MYO16: variants seen among roughly 807,000 people sequenced by gnomAD.
MYO16 encodes myosin XVI.
MYO16 carries 94 observed loss-of-function variants against 205.3 expected under a neutral mutation model. The ratio of observed to expected loss-of-function variants is 0.46; its 90% CI spans 0.39 to 0.54. MYO16 has a LOEUF of 0.54. Ranked by LOEUF, MYO16 falls within the 20% of genes least tolerant of loss-of-function variation. MYO16 has a pLI of 0.00. For missense variants in MYO16, 2,315 were observed against 2,387.5 expected (o/e 0.97, Z 0.63); for synonymous variants, 988 against 954.0 (o/e 1.04, Z -0.66).
At chr13:108,560,602 T>G in the MYO16 span, among the ~76,000 whole-genome samples, 1 of 152,248 alleles carries the variant, frequency 6.6e-6, no homozygotes, top group African/African-American at 2.4e-5. Flanking sequence ...AATTTGGATA[T>G]CTAAAGAAGA....
intron 2 of MYO16, among the ~76,000 whole-genome samples, chr13:108,709,396 G>T (rs1220346970): frequency 7.2e-6 from 1 of 137,946 alleles, no homozygotes; most frequent in African/African-American, 2.7e-5. Context: ...TTGGGGTTAA[G>T]GGCACAATCA....
intron 28 of MYO16, among the ~76,000 whole-genome samples, chr13:109,114,607 G>A (rs958751931): frequency 6.6e-6 from 1 of 152,208 alleles, no homozygotes. Flanking sequence ...AATCCTACTA[G>A]TGTAGTCTAT....
At chr13:109,033,178 A>T (rs1394797937) in intron 23 of MYO16, among the ~76,000 whole-genome samples, 1 of 152,086 alleles carries the variant, frequency 6.6e-6, no homozygotes, top group African/African-American at 2.4e-5. Context: ...GGCAACATCC[A>T]TGTTTTCACC....
chr13:108,888,559 A>C, intron 14 of MYO16, 82 bp downstream of exon 14: 1 of 925,324 alleles, frequency 1.1e-6, no homozygotes, highest in Non-Finnish European at 1.6e-6. Flanking sequence ...AGGGGACATC[A>C]TAATAGATAC....
intron 21 of MYO16, among the ~76,000 whole-genome samples, chr13:108,995,157 C>T (rs1377365289): frequency 6.6e-6 from 1 of 152,112 alleles, no homozygotes; most frequent in Non-Finnish European, 1.5e-5. Context: ...TTCTGGAGGC[C>T]AGGAAATGTA....
At chr13:108,876,487 C>T (rs1473869311) in intron 12 of MYO16, among the ~76,000 whole-genome samples, 1 of 151,996 alleles carries the variant, frequency 6.6e-6, no homozygotes, top group Non-Finnish European at 1.5e-5. Flanking sequence ...AGGGTAAGTA[C>T]CACTTCAACT....
intron 1 of MYO16, among the ~76,000 whole-genome samples, chr13:108,636,355 T>TGTG (rs1402041651): frequency 4.3e-4 from 15 of 34,986 alleles, no homozygotes; most frequent in South Asian, 1.6e-3. Context: ...CCTTTTTTTT[T>TGTG]TTTTTTTTTT....
Position 109,141,535 on chromosome 13 carries a change from C to A in MYO16, c.5164+159C>A, listed in dbSNP as rs1877098040. 6.6e-6 allele frequency among the ~76,000 whole-genome samples: 1 copy of A among 152,082 alleles called. No individual in the cohort carries two copies. The highest frequency in any genetic ancestry group is 6.5e-5 in the Admixed American group (1 of 15,274). On this transcript the variant is annotated intron_variant, in intron 32 of 34. Transcript: ENST00000457511. This position sits in a 1 kb window ranked among gnomAD's most constrained non-coding sequence, Gnocchi z 4.1. ...CAGCTTTAAAAAAAAATCGTATACACCCACTGTGACCAAATAGGTAGGAAT... is the reference window on the plus strand; with the variant it reads ...CAGCTTTAAAAAAAAATCGTATACAACCACTGTGACCAAATAGGTAGGAAT...
chr13:108,877,497 G>A (rs1274247606), intron 12 of MYO16, among the ~76,000 whole-genome samples: 2 of 152,338 alleles, frequency 1.3e-5, no homozygotes, highest in Non-Finnish European at 2.9e-5. Context: ...TGCCTGTGAG[G>A]TGCTGAGGAC....
intron 28 of MYO16, chr13:109,101,869 AG>A (rs889738046): frequency 1.8e-4 from 27 of 152,350 alleles, no homozygotes; most frequent in African/African-American, 5.8e-4. Flanking sequence ...GATGAGTCAA[AG>A]GATGGGGACT....
At chr13:108,616,685 G>A (rs971214060) in intron 1 of MYO16, among the ~76,000 whole-genome samples, 3 of 152,088 alleles carry the variant, frequency 2.0e-5, no homozygotes, top group African/African-American at 7.2e-5. Context: ...ATTAAATGTT[G>A]CAGTATTTTA....
At chr13:108,550,768 C>A in the MYO16 span, among the ~76,000 whole-genome samples, 4 of 152,170 alleles carry the variant, frequency 2.6e-5, no homozygotes, top group Non-Finnish European at 5.9e-5. Context: ...TGAATCCCTG[C>A]TAATATTTTG....
At chr13:108,649,089 G>A (rs372326100) in intron 1 of MYO16, among the ~76,000 whole-genome samples, 1 of 147,902 alleles carries the variant, frequency 6.8e-6, no homozygotes, top group African/African-American at 2.5e-5. Flanking sequence ...TGGGGGGAGG[G>A]GGGAGGGATA....
intron 27 of MYO16, among the ~76,000 whole-genome samples, chr13:109,098,566 C>T (rs1040408005): frequency 6.6e-6 from 1 of 152,144 alleles, no homozygotes; most frequent in Non-Finnish European, 1.5e-5. Context: ...GAATTGGGCC[C>T]TTCCTGTTGA....
intron 8 of MYO16, 114 bp from the exon 9 acceptor site, chr13:108,823,011 C>G: frequency 9.9e-7 from 1 of 1,006,146 alleles, no homozygotes. Flanking sequence ...TGTTTTGATT[C>G]ATACATTGAT....
chr13:108,784,807 ATGT>A (rs1364122358), intron 4 of MYO16, among the ~76,000 whole-genome samples: 1 of 152,194 alleles, frequency 6.6e-6, no homozygotes, highest in East Asian at 1.9e-4. Flanking sequence ...CAATGGGCAT[ATGT>A]TCACGCCATG....
chr13:108,787,799 G>T (rs1886502701), intron 5 of MYO16, among the ~76,000 whole-genome samples: 1 of 152,174 alleles, frequency 6.6e-6, no homozygotes, highest in African/African-American at 2.4e-5. Context: ...AATTCTGTTT[G>T]CCATTTGTCA....
chr13:108,701,625 T>TA (rs1460453249), intron 2 of MYO16, among the ~76,000 whole-genome samples: 2 of 151,950 alleles, frequency 1.3e-5, no homozygotes, highest in African/African-American at 4.8e-5. Context: ...CAAACCAAAC[T>TA]AAAAAACATA....
intron 27 of MYO16, among the ~76,000 whole-genome samples, chr13:109,062,456 CT>C (rs1887622341): frequency 6.6e-6 from 1 of 152,090 alleles, no homozygotes; most frequent in Non-Finnish European, 1.5e-5. Context: ...AGAAATGGTA[CT>C]TTTAGGTAAT....
Sources: allele counts gnomAD v4.1 joint callset (sites outside exome capture counted in the v4.1 genomes callset), GRCh38; gene constraint gnomAD v4.1.1; non-coding constraint Gnocchi (gnomAD v3.1); transcripts MANE v1.5; gene names NCBI Gene and HGNC (gene_info 2026-07-23, HGNC 2026-07-21).